Variants in BICD1 observed in about 807,000 individuals in gnomAD.
The protein encoded by BICD1 is BICD cargo adaptor 1.
A neutral mutation model predicts 92.5 loss-of-function variants in BICD1; 35 were observed. The ratio of observed to expected loss-of-function variants is 0.38; its 90% CI spans 0.29 to 0.50. The LOEUF (loss-of-function observed/expected upper bound fraction) is 0.50, where lower values mean the gene tolerates loss of function less well. BICD1 is among the 20% of genes least tolerant of loss of function. The pLI, the probability that BICD1 is intolerant of heterozygous loss-of-function variation, is 0.93. For synonymous variants in BICD1, 429 were observed against 465.1 expected, an observed-to-expected ratio of 0.92 and a Z score of 1.00; for missense variants, 950 against 1,189.8, an observed-to-expected ratio of 0.80 and a Z score of 2.97.
intron 2 of BICD1, among the ~76,000 whole-genome samples, chr12:32,285,707 C>T (rs1292765871): frequency 6.6e-6 from 1 of 152,186 alleles, no homozygotes; most frequent in Non-Finnish European, 1.5e-5. Context: ...TGAGACTCAG[C>T]TCCCTGGAGG....
At chr12:32,117,422 A>T (rs1291224866) in intron 1 of BICD1, among the ~76,000 whole-genome samples, 1 of 152,170 alleles carries the variant, frequency 6.6e-6, no homozygotes. Context: ...TGATGACTGT[A>T]AACATTTGGA....
chr12:32,188,185 A>T (rs1944472385), intron 1 of BICD1, among the ~76,000 whole-genome samples: 1 of 152,130 alleles, frequency 6.6e-6, no homozygotes, highest in Admixed American at 6.5e-5. Flanking sequence ...TGATCCACCC[A>T]CCTCGGCCTC....
chr12:32,165,976 A>G (rs1221126391), intron 1 of BICD1, among the ~76,000 whole-genome samples: 1 of 152,064 alleles, frequency 6.6e-6, no homozygotes. Context: ...AAAAAGGCCT[A>G]TCTCAGTGAA....
chr12:32,165,579 G>A (rs1432048438), intron 1 of BICD1, among the ~76,000 whole-genome samples: 2 of 151,952 alleles, frequency 1.3e-5, no homozygotes, highest in Non-Finnish European at 2.9e-5. Context: ...CAGCTACTCG[G>A]GAGGCTGAGG....
chr12:32,164,250 C>A (rs1419521839), intron 1 of BICD1, among the ~76,000 whole-genome samples: 1 of 152,164 alleles, frequency 6.6e-6, no homozygotes, highest in Non-Finnish European at 1.5e-5. Flanking sequence ...TGTTAATTAT[C>A]CTGATAATGT....
At chr12:32,172,507 C>T (rs1943974957) in intron 1 of BICD1, among the ~76,000 whole-genome samples, 1 of 152,200 alleles carries the variant, frequency 6.6e-6, no homozygotes. Flanking sequence ...TCAGGTAGAT[C>T]TGGTTGAATT....
At chr12:32,339,103 TAAGTC>T in intron 8 of BICD1, 124 bp downstream of exon 8, 1 of 1,355,096 alleles carries the variant, frequency 7.4e-7, no homozygotes, top group South Asian at 1.9e-5. Flanking sequence ...TAAATTCCTA[TAAGTC>T]AAGTAAAAAC....
At chr12:32,247,176 G>A (rs777118803) in intron 2 of BICD1, among the ~76,000 whole-genome samples, 1 of 150,620 alleles carries the variant, frequency 6.6e-6, no homozygotes, top group Non-Finnish European at 1.5e-5. Context: ...AGGATCACTT[G>A]AGTCATGGTA....
In BICD1 at chr12:32,216,331, TC is replaced by T. The variant is rs753844542; in HGVS notation, c.299del (p.Ser100Ter). The T allele has an allele frequency of 6.2e-7, 1 of 1,614,146 alleles. No homozygotes were observed. On this transcript the variant is annotated frameshift_variant, in exon 2 of 10. Transcript: ENST00000652176. LOFTEE classifies it high-confidence loss of function. ...REETLLQESA[S>X]KEAYYLGKIL... ...GGAAACGCTTCTGCAGGAGTCAGCA[TC>T]GAAGGAGGCTTACTATCTGGGGAAG... is the stretch of plus-strand genomic sequence containing the variant.
chr12:32,311,511 A>AT (rs1312361327), intron 4 of BICD1, among the ~76,000 whole-genome samples: 1 of 152,216 alleles, frequency 6.6e-6, no homozygotes. Flanking sequence ...AAAAGAAAAA[A>AT]GAAAGAAATA....
rs11272207 is a variant in BICD1 at position 32,348,723 on chromosome 12, AATAT to A, written c.2764+9797_2764+9800del. Among the ~76,000 whole-genome samples, 412 of 117,098 alleles carry A rather than the reference AATAT, an allele frequency of 3.5e-3. 3 individuals carry two copies. The highest frequency in any genetic ancestry group is 5.3e-3 in the Non-Finnish European group (281 of 52,952). The allele number at this position is 117,098 out of a possible 152,430, so 76.8% of individuals were successfully genotyped here. On this transcript the variant is annotated intron_variant, in intron 8 of 9. Transcript: ENST00000652176. Reference sequence around the variant, plus strand: ...AATGATGCTTTCTAGCTCACACAAAAATATATATATATATATATATATATATATA... The same window carrying A: ...AATGATGCTTTCTAGCTCACACAAAAATATATATATATATATATATATATA...
chr12:32,142,935 A>C (rs563120394), intron 1 of BICD1, among the ~76,000 whole-genome samples: 1 of 152,208 alleles, frequency 6.6e-6, no homozygotes, highest in Non-Finnish European at 1.5e-5. Flanking sequence ...CATGAGGCTT[A>C]ACTATGGAGA....
intron 5 of BICD1, among the ~76,000 whole-genome samples, chr12:32,331,090 G>T (rs962020437): frequency 3.9e-5 from 6 of 151,964 alleles, no homozygotes; most frequent in African/African-American, 1.5e-4. Flanking sequence ...AGCCTAGATT[G>T]CATGATTGCA....
chr12:32,117,717 C>CTT (rs1941974049), intron 1 of BICD1, among the ~76,000 whole-genome samples: 2 of 120,096 alleles, frequency 1.7e-5, no homozygotes, highest in Non-Finnish European at 3.4e-5. Flanking sequence ...TATATACACA[C>CTT]ACACACACAC....
Position 32,184,389 on chromosome 12 carries a change from C to T in BICD1, c.214-31858C>T, listed in dbSNP as rs574780344. On this transcript the variant is annotated intron_variant, in intron 1 of 9. Transcript: ENST00000652176. ...GCAACCTCCACCTCTCGGGTTCAAG[C>T]GATTCTCCTGCCTCAGCCTCCCGAG... is the stretch of plus-strand genomic sequence containing the variant. Among the ~76,000 whole-genome samples, 16 of 152,212 alleles carry T rather than the reference C, an allele frequency of 1.1e-4. 1 individual carries two copies. Among genetic ancestry groups the T allele is most frequent in the East Asian group, 1.9e-4 (1 of 5,182 alleles).
At chr12:32,311,027 C>T (rs1948360248) in intron 4 of BICD1, among the ~76,000 whole-genome samples, 2 of 152,062 alleles carry the variant, frequency 1.3e-5, no homozygotes, top group South Asian at 4.2e-4. Flanking sequence ...CCTCTGTCGA[C>T]GAAGCAAGTC....
At chr12:32,281,858 A>C (rs1197640547) in intron 2 of BICD1, among the ~76,000 whole-genome samples, 2 of 152,158 alleles carry the variant, frequency 1.3e-5, no homozygotes, top group Admixed American at 1.3e-4. Flanking sequence ...GCTGTGGAAT[A>C]CAAGGAGCGT....
chr12:32,344,404 A>AC (rs11408599), intron 8 of BICD1, among the ~76,000 whole-genome samples: 79,507 of 151,942 alleles, frequency 0.52, 21,366 homozygotes, highest in African/African-American at 0.66. Context: ...GTGAGAGCAG[A>AC]CTTACCACGG....
At chr12:32,132,949 T>C (rs1479060117) in intron 1 of BICD1, among the ~76,000 whole-genome samples, 1 of 152,038 alleles carries the variant, frequency 6.6e-6, no homozygotes, top group African/African-American at 2.4e-5. Context: ...TGATTCAGGG[T>C]ATATGTTGAA....
Sources: allele counts gnomAD v4.1 joint callset (sites outside exome capture counted in the v4.1 genomes callset), GRCh38; gene constraint gnomAD v4.1.1; transcripts MANE v1.5; gene names NCBI Gene and HGNC (gene_info 2026-07-23, HGNC 2026-07-21).